Variants in AP3B1 observed in about 807,000 individuals in gnomAD.
AP3B1 encodes the protein AP-3 complex subunit beta-1.
Under a neutral mutation model 132.5 loss-of-function variants are expected in AP3B1, and 61 were observed. The ratio of observed to expected loss-of-function variants is 0.46; its 90% confidence interval spans 0.37 to 0.57. The LOEUF is 0.57. Among genes scored for constraint, AP3B1 ranks in the 20% least tolerant of loss-of-function variants. The pLI, the probability that AP3B1 is intolerant of heterozygous loss-of-function variation, is 0.00. For synonymous variants in AP3B1, 388 were observed against 438.3 expected (o/e 0.89, Z 1.43); for missense variants, 1,120 against 1,289.4 (o/e 0.87, Z 2.01).
intron 7 of AP3B1, among the ~76,000 whole-genome samples, chr5:78,183,214 G>C (rs1444519569): frequency 6.6e-6 from 1 of 152,184 alleles, no homozygotes; most frequent in Non-Finnish European, 1.5e-5. Context: ...GTCAGTGGAG[G>C]ATAAGCAGGG....
intron 1 of AP3B1, among the ~76,000 whole-genome samples, chr5:78,291,301 C>T (rs965637540): frequency 6.6e-6 from 1 of 150,622 alleles, no homozygotes; most frequent in Non-Finnish European, 1.5e-5. Flanking sequence ...TACCATTTTG[C>T]AGCCATTGTG....
intron 8 of AP3B1, among the ~76,000 whole-genome samples, chr5:78,177,641 G>A (rs908862099): frequency 6.6e-6 from 1 of 152,092 alleles, no homozygotes; most frequent in African/African-American, 2.4e-5. Context: ...ATTTGGAAGT[G>A]GGATCTCTGC....
At chr5:78,259,443 C>G (rs1464444739) in intron 2 of AP3B1, among the ~76,000 whole-genome samples, 1 of 151,928 alleles carries the variant, frequency 6.6e-6, no homozygotes, top group Non-Finnish European at 1.5e-5. Flanking sequence ...ATGAATAAGA[C>G]CTTCTATTTG....
intron 14 of AP3B1, among the ~76,000 whole-genome samples, chr5:78,145,839 T>C (rs767335544): frequency 3.3e-5 from 5 of 152,094 alleles, no homozygotes; most frequent in Non-Finnish European, 7.4e-5. Flanking sequence ...GGTGGCCAGG[T>C]GGGAAGAGGT....
chr5:78,292,596 G>C (rs1749573373), intron 1 of AP3B1, among the ~76,000 whole-genome samples: 1 of 152,130 alleles, frequency 6.6e-6, no homozygotes, highest in Admixed American at 6.5e-5. Context: ...TGTAAAGTGG[G>C]AGCAGAGAAG....
intron 21 of AP3B1, among the ~76,000 whole-genome samples, chr5:78,093,409 T>C (rs1368870073): frequency 6.6e-6 from 1 of 152,202 alleles, no homozygotes; most frequent in Admixed American, 6.5e-5. Flanking sequence ...AGTTTCTCAG[T>C]AGAATCCAAT....
intron 19 of AP3B1, among the ~76,000 whole-genome samples, chr5:78,111,172 A>C (rs1357648280): frequency 1.3e-5 from 2 of 152,210 alleles, no homozygotes; most frequent in African/African-American, 4.8e-5. Context: ...CCTTAAACAC[A>C]TTCTATGAGA....
Position 78,290,545 on chromosome 5 carries a change from T to A in AP3B1, c.128+3907A>T, listed in dbSNP as rs920164078. Among the ~76,000 whole-genome samples, 6 of 152,158 alleles carry A rather than the reference T, an allele frequency of 3.9e-5. No individual in the cohort carries two copies. The East Asian group carries it at 9.6e-4, about 24-fold the overall frequency. On this transcript the variant is annotated intron_variant, in intron 1 of 26. Transcript: ENST00000255194. Reference sequence around the variant, plus strand: ...TAATCCAGTAACAGAATTATTAAAATTATTTTTAATTATAGGCACACATAC... The same window carrying A: ...TAATCCAGTAACAGAATTATTAAAAATATTTTTAATTATAGGCACACATAC...
intron 1 of AP3B1, among the ~76,000 whole-genome samples, chr5:78,281,230 C>T (rs922364040): frequency 6.6e-6 from 1 of 151,984 alleles, no homozygotes; most frequent in Admixed American, 6.6e-5. Flanking sequence ...AGGTCAGCAG[C>T]TCGAGACCAT....
intron 17 of AP3B1, among the ~76,000 whole-genome samples, chr5:78,122,983 T>C (rs1752291222): frequency 6.6e-6 from 1 of 152,218 alleles, no homozygotes; most frequent in Non-Finnish European, 1.5e-5. Flanking sequence ...AGCATGGTAC[T>C]GGTACCAAAA....
rs146010900 is a variant in AP3B1 at position 78,231,321 on chromosome 5, G to A, written c.280-3082C>T. Among the ~76,000 whole-genome samples, 755 of 151,844 alleles carry A rather than the reference G, an allele frequency of 5.0e-3. 4 individuals are homozygous for A. Among genetic ancestry groups the A allele is most frequent in the Middle Eastern group, 0.024 (7 of 292 alleles). On this transcript the variant is annotated intron_variant, in intron 3 of 26. Coordinates refer to ENST00000255194, the MANE Select transcript of AP3B1 (RefSeq NM_003664.5). ...CCCAAGTAGCTGGGATTACAGGCAC[G>A]CACCACCACGCCCAGCTAACTTTTG...
intron 22 of AP3B1, among the ~76,000 whole-genome samples, chr5:78,068,215 C>T (rs769794420): frequency 2.8e-4 from 43 of 152,148 alleles, no homozygotes; most frequent in Middle Eastern, 3.4e-3. Flanking sequence ...TCCCAGCTAT[C>T]GGGACGCTAA....
intron 15 of AP3B1, among the ~76,000 whole-genome samples, chr5:78,135,767 T>G (rs1752885713): frequency 6.6e-6 from 1 of 151,936 alleles, no homozygotes; most frequent in Non-Finnish European, 1.5e-5. Flanking sequence ...CATCTTTTAT[T>G]CATTAACTTT....
chr5:78,003,396 G>T, intron 26 of AP3B1: 1 of 376,322 alleles, frequency 2.7e-6, no homozygotes, highest in Non-Finnish European at 3.7e-6. Context: ...ATTTCACCAT[G>T]CATAGGGACA....
At chr5:78,003,988 A>AG (rs1746290774) in intron 26 of AP3B1, among the ~76,000 whole-genome samples, 1 of 151,988 alleles carries the variant, frequency 6.6e-6, no homozygotes, top group Non-Finnish European at 1.5e-5. Context: ...TTTTTGGGGG[A>AG]GGGGGTTTGA....
At chr5:78,113,635 T>G in intron 19 of AP3B1, 117 bp downstream of exon 19, 1 of 1,165,086 alleles carries the variant, frequency 8.6e-7, no homozygotes, top group Non-Finnish European at 1.2e-6. Context: ...ATTTAATATC[T>G]GGAAAAAAAT....
intron 2 of AP3B1, among the ~76,000 whole-genome samples, chr5:78,261,621 A>G (rs944781838): frequency 6.6e-6 from 1 of 152,088 alleles, no homozygotes; most frequent in African/African-American, 2.4e-5. Context: ...GCCCGCCACC[A>G]CGCCTGGCTA....
chr5:78,183,386 T>A (rs568231479), intron 7 of AP3B1, among the ~76,000 whole-genome samples: 1 of 152,148 alleles, frequency 6.6e-6, no homozygotes, highest in African/African-American at 2.4e-5. Context: ...AATTAAAAAA[T>A]CACTCATCAT....
chr5:78,163,851 T>C (rs1349422886), intron 12 of AP3B1, among the ~76,000 whole-genome samples: 2 of 151,844 alleles, frequency 1.3e-5, no homozygotes. Flanking sequence ...TTGTATCATA[T>C]ACATGAAATT....
Sources: gnomAD v4.1 joint callset for allele counts (sites outside exome capture counted in the v4.1 genomes callset) on GRCh38, gnomAD v4.1.1 for gene constraint, MANE v1.5 for transcripts, NCBI Gene and HGNC (gene_info 2026-07-23, HGNC 2026-07-21) for gene names.